Variants in PSD3 observed in about 807,000 individuals in gnomAD.
The protein encoded by PSD3 is pleckstrin and Sec7 domain containing 3, also known as PH and SEC7 domain-containing protein 3.
In PSD3, 49 loss-of-function variants were observed where a neutral mutation model predicts 105.5. The observed-to-expected ratio is 0.46, with a 90% confidence interval of 0.37 to 0.59. PSD3 has a LOEUF of 0.59. Among genes scored for constraint, PSD3 ranks in the 20% least tolerant of loss-of-function variants. PSD3 has a pLI of 0.00. For missense variants in PSD3, 1,561 were observed against 1,263.8 expected, an observed-to-expected ratio of 1.24 and a Z score of -3.57; for synonymous variants, 557 against 457.8, an observed-to-expected ratio of 1.22 and a Z score of -2.77.
chr8:18,868,451 A>G (rs2129456778), intron 3 of PSD3, among the ~76,000 whole-genome samples: 1 of 152,296 alleles, frequency 6.6e-6, no homozygotes, highest in Non-Finnish European at 1.5e-5. Context: ...GAAACTTGAT[A>G]CGGCAAAATT....
chr8:18,750,722 C>T (rs1363172433), intron 9 of PSD3, among the ~76,000 whole-genome samples: 2 of 151,984 alleles, frequency 1.3e-5, no homozygotes, highest in African/African-American at 2.4e-5. Context: ...GAGCTAGATA[C>T]AAAGGTTCTC....
intron 8 of PSD3, among the ~76,000 whole-genome samples, chr8:18,774,308 T>A (rs1395725976): frequency 6.6e-6 from 1 of 152,208 alleles, no homozygotes; most frequent in African/African-American, 2.4e-5. Flanking sequence ...GTATATATCG[T>A]ATAATGATCA....
At chr8:18,580,753 T>C (rs1802761964) in intron 12 of PSD3, among the ~76,000 whole-genome samples, 1 of 152,100 alleles carries the variant, frequency 6.6e-6, no homozygotes, top group African/African-American at 2.4e-5. Context: ...AGGGTAAAGG[T>C]AAATAAATTC....
intron 9 of PSD3, among the ~76,000 whole-genome samples, chr8:18,717,037 G>A (rs1285270780): frequency 1.3e-5 from 2 of 152,082 alleles, no homozygotes; most frequent in Admixed American, 6.6e-5. Flanking sequence ...TCAGACCTCT[G>A]GACTTAAAAT....
intron 8 of PSD3, among the ~76,000 whole-genome samples, chr8:18,792,459 G>A (rs1397068386): frequency 6.6e-6 from 1 of 152,176 alleles, no homozygotes. Flanking sequence ...AACTAAGGCA[G>A]GAACAGAAAA....
At chr8:18,574,687 A>G (rs1049834751) in intron 13 of PSD3, among the ~76,000 whole-genome samples, 1 of 152,164 alleles carries the variant, frequency 6.6e-6, no homozygotes, top group Non-Finnish European at 1.5e-5. Flanking sequence ...ATACACACTT[A>G]TCTCACTGAC....
intron 9 of PSD3, among the ~76,000 whole-genome samples, chr8:18,739,191 T>C (rs1291253960): frequency 6.6e-6 from 1 of 152,140 alleles, no homozygotes; most frequent in Non-Finnish European, 1.5e-5. Context: ...TTAATTTAAA[T>C]TGAAAATGCT....
intron 1 of PSD3, among the ~76,000 whole-genome samples, chr8:18,993,115 C>T (rs954754187): frequency 3.8e-4 from 58 of 152,010 alleles, no homozygotes; most frequent in African/African-American, 1.4e-3. Context: ...GATTAAAATC[C>T]AAAATAAGAA....
At chr8:18,766,867 G>C (rs1213882192) in intron 8 of PSD3, among the ~76,000 whole-genome samples, 3 of 152,202 alleles carry the variant, frequency 2.0e-5, no homozygotes, top group Admixed American at 6.5e-5. Flanking sequence ...CATTATAGGA[G>C]AGAAACCCTA....
intron 2 of PSD3, among the ~76,000 whole-genome samples, chr8:18,915,647 T>C (rs1040828782): frequency 3.3e-5 from 5 of 152,060 alleles, no homozygotes; most frequent in Non-Finnish European, 5.9e-5. Flanking sequence ...CTAATCATCA[T>C]CCAGAAAAAG....
At chr8:18,915,594 C>G (rs1798119356) in intron 2 of PSD3, among the ~76,000 whole-genome samples, 1 of 152,168 alleles carries the variant, frequency 6.6e-6, no homozygotes, top group African/African-American at 2.4e-5. Context: ...CAAAAGAAGA[C>G]ATACAAATGG....
intron 4 of PSD3, among the ~76,000 whole-genome samples, chr8:18,817,703 C>G (rs1263549196): frequency 6.6e-6 from 1 of 152,152 alleles, no homozygotes; most frequent in Non-Finnish European, 1.5e-5. Context: ...TTATTGTAAG[C>G]AATTTCCTTA....
intron 9 of PSD3, among the ~76,000 whole-genome samples, chr8:18,731,033 T>C (rs1336578271): frequency 1.4e-5 from 2 of 139,122 alleles, no homozygotes; most frequent in African/African-American, 5.3e-5. Context: ...CCCCTTTACC[T>C]CCCCCACAAA....
intron 1 of PSD3, among the ~76,000 whole-genome samples, chr8:18,957,298 G>A (rs68014958): frequency 0.39 from 59,250 of 151,088 alleles, 11,818 homozygotes; most frequent in Non-Finnish European, 0.41. Context: ...TTGAACCAGG[G>A]AGGCGGAGGT....
At chr8:18,799,251 A>G (rs754082307) in intron 8 of PSD3, 44 bp downstream of exon 8, 6 of 1,505,540 alleles carry the variant, frequency 4.0e-6, no homozygotes, top group Non-Finnish European at 5.5e-6. Context: ...AGCAGAGATA[A>G]GCCCGACATG....
At chr8:18,706,804 C>T (rs1801931194) in intron 9 of PSD3, among the ~76,000 whole-genome samples, 1 of 152,182 alleles carries the variant, frequency 6.6e-6, no homozygotes, top group East Asian at 1.9e-4. Context: ...GATGCCACAC[C>T]AGCTAAGCAA....
chr8:18,580,633 T>C (rs1425348626), intron 12 of PSD3, among the ~76,000 whole-genome samples: 1 of 152,006 alleles, frequency 6.6e-6, no homozygotes, highest in Admixed American at 6.6e-5. Flanking sequence ...AAAATCTCTC[T>C]TCCGAGTAAG....
intron 11 of PSD3, among the ~76,000 whole-genome samples, chr8:18,603,839 C>T (rs187490079): frequency 6.6e-6 from 1 of 152,276 alleles, no homozygotes; most frequent in East Asian, 1.9e-4. Context: ...AAGCCCTGTT[C>T]CCCCTTCACT....
chr8:19,064,079 C>T (rs541049053), intron 1 of PSD3, among the ~76,000 whole-genome samples: 2 of 151,950 alleles, frequency 1.3e-5, no homozygotes, highest in South Asian at 2.1e-4. Context: ...AGGCAGAGGT[C>T]GCAGGGAGCC....
Sources: gnomAD v4.1 joint callset for allele counts (sites outside exome capture counted in the v4.1 genomes callset) on GRCh38, gnomAD v4.1.1 for gene constraint, MANE v1.5 for transcripts, NCBI Gene and HGNC (gene_info 2026-07-23, HGNC 2026-07-21) for gene names.